Variants in MDGA2 observed in about 807,000 individuals in gnomAD.
MDGA2 encodes MAM domain containing glycosylphosphatidylinositol anchor 2.
Under a neutral mutation model 117.8 loss-of-function variants are expected in MDGA2, and 40 were observed. That is an observed-to-expected ratio of 0.34 (90% CI 0.26 to 0.44). The LOEUF is 0.44. Ranked by LOEUF, MDGA2 falls within the 20% of genes least tolerant of loss-of-function variation. The pLI, the probability that MDGA2 is intolerant of heterozygous loss-of-function variation, is 1.00. For missense variants in MDGA2, 1,123 were observed against 1,250.6 expected (o/e 0.90, Z 1.54); for synonymous variants, 452 against 439.0 (o/e 1.03, Z -0.37).
chr14:47,317,879 T>C (rs1309538742), intron 1 of MDGA2, among the ~76,000 whole-genome samples: 1 of 152,092 alleles, frequency 6.6e-6, no homozygotes, highest in Non-Finnish European at 1.5e-5. Context: ...ACAGTTTCTC[T>C]TGATGTCTTA....
chr14:47,454,176 T>C (rs34548916), intron 1 of MDGA2, among the ~76,000 whole-genome samples: 48,602 of 151,752 alleles, frequency 0.32, 8,225 homozygotes, highest in East Asian at 0.58. Flanking sequence ...ATCCAAGTGA[T>C]TGATTGACAC....
intron 2 of MDGA2, among the ~76,000 whole-genome samples, chr14:47,288,746 G>C (rs1490869496): frequency 6.6e-6 from 1 of 152,000 alleles, no homozygotes; most frequent in East Asian, 1.9e-4. Flanking sequence ...CAAAATAAAA[G>C]ATTAACAATT....
intron 3 of MDGA2, among the ~76,000 whole-genome samples, chr14:47,175,727 T>A (rs1279883856): frequency 2.7e-5 from 4 of 146,438 alleles, no homozygotes; most frequent in Admixed American, 6.9e-5. Context: ...GCATTTCCTT[T>A]GAAAACTGGC....
intron 5 of MDGA2, among the ~76,000 whole-genome samples, chr14:47,116,862 T>C (rs567385618): frequency 3.3e-5 from 5 of 151,526 alleles, no homozygotes; most frequent in East Asian, 1.9e-4. Context: ...AATGATTTCA[T>C]AGATATAACA....
In MDGA2 at chr14:47,545,747, G is replaced by GA. The variant is rs1015581019; in HGVS notation, c.280+128769dup. On this transcript the variant is annotated intron_variant, in intron 1 of 16. Coordinates refer to ENST00000399232, the MANE Select transcript of MDGA2 (RefSeq NM_001113498.3). The stretch of plus-strand genomic sequence containing the variant: ...ATCAAGTATTTAATAATGATAATAA[G>GA]AAAAAAAAACAGCAGCAGTCTCATG... Among the ~76,000 whole-genome samples, 19 of 150,560 alleles carry GA rather than the reference G, an allele frequency of 1.3e-4. No homozygotes were observed. The South Asian group carries it at 1.5e-3, about 12-fold the overall frequency.
intron 1 of MDGA2, among the ~76,000 whole-genome samples, chr14:47,535,785 C>CACTGG (rs1453272457): frequency 3.3e-5 from 5 of 152,124 alleles, no homozygotes; most frequent in Non-Finnish European, 7.4e-5. Flanking sequence ...TAATAAAAGC[C>CACTGG]ACTGAATCAA....
At chr14:46,878,565 C>A (rs1566504349) in intron 11 of MDGA2, among the ~76,000 whole-genome samples, 1 of 151,866 alleles carries the variant, frequency 6.6e-6, no homozygotes, top group African/African-American at 2.4e-5. Flanking sequence ...AACAGAGTAA[C>A]TTTTTCAATG....
chr14:47,455,372 G>T (rs1893327992), intron 1 of MDGA2, among the ~76,000 whole-genome samples: 1 of 152,004 alleles, frequency 6.6e-6, no homozygotes, highest in African/African-American at 2.4e-5. Context: ...TGGCTGTGGT[G>T]GCACACGACT....
chr14:47,309,162 C>A (rs1889554610), intron 1 of MDGA2, among the ~76,000 whole-genome samples: 1 of 152,008 alleles, frequency 6.6e-6, no homozygotes, highest in South Asian at 2.1e-4. Context: ...TTTATGTAAT[C>A]CCAAATAGAA....
intron 8 of MDGA2, among the ~76,000 whole-genome samples, chr14:47,033,052 T>C (rs1322636593): frequency 6.6e-6 from 1 of 152,214 alleles, no homozygotes; most frequent in Non-Finnish European, 1.5e-5. Flanking sequence ...CCTGTGTCTA[T>C]CGGTATTTTT....
intron 1 of MDGA2, among the ~76,000 whole-genome samples, chr14:47,637,312 G>A (rs1566552772): frequency 6.6e-6 from 1 of 152,078 alleles, no homozygotes; most frequent in Non-Finnish European, 1.5e-5. Context: ...TGGTTTTGTT[G>A]GTTGTTAAGA....
At chr14:46,856,033 TCAAA>T (rs1245565277) in intron 14 of MDGA2, among the ~76,000 whole-genome samples, 1 of 152,052 alleles carries the variant, frequency 6.6e-6, no homozygotes, top group African/African-American at 2.4e-5. Flanking sequence ...TAAATATATA[TCAAA>T]CACTTACTCC....
At chr14:47,333,040 G>C (rs1425746503) in intron 1 of MDGA2, among the ~76,000 whole-genome samples, 1 of 151,754 alleles carries the variant, frequency 6.6e-6, no homozygotes, top group African/African-American at 2.4e-5. Flanking sequence ...TCTTTATCCA[G>C]TCATCTGTTG....
intron 6 of MDGA2, among the ~76,000 whole-genome samples, chr14:47,086,466 T>C (rs1463374300): frequency 6.6e-6 from 1 of 152,126 alleles, no homozygotes; most frequent in Non-Finnish European, 1.5e-5. Flanking sequence ...AGGTTGCTAA[T>C]TCAATTAAAA....
At chr14:47,654,296 A>T (rs550108565) in intron 1 of MDGA2, among the ~76,000 whole-genome samples, 2 of 152,250 alleles carry the variant, frequency 1.3e-5, no homozygotes, top group South Asian at 4.1e-4. Context: ...AATCTCGATC[A>T]TCAGGTTCCT....
intron 1 of MDGA2, among the ~76,000 whole-genome samples, chr14:47,472,007 A>G: frequency 6.6e-6 from 1 of 152,202 alleles, no homozygotes; most frequent in South Asian, 2.1e-4. Context: ...GGAACAGGAA[A>G]TAAATAGAAA....
intron 3 of MDGA2, among the ~76,000 whole-genome samples, chr14:47,210,871 C>G (rs1885856060): frequency 6.6e-6 from 1 of 151,996 alleles, no homozygotes; most frequent in South Asian, 2.1e-4. Context: ...GTAGTCCTAG[C>G]TATTCAGGAG....
intron 2 of MDGA2, among the ~76,000 whole-genome samples, chr14:47,298,952 C>T (rs868365427): frequency 6.6e-6 from 1 of 152,076 alleles, no homozygotes; most frequent in African/African-American, 2.4e-5. Flanking sequence ...TCCTAAAGTG[C>T]TGGGATTACA....
At chr14:46,891,334 T>C (rs987969786) in intron 10 of MDGA2, among the ~76,000 whole-genome samples, 1 of 151,620 alleles carries the variant, frequency 6.6e-6, no homozygotes, top group Non-Finnish European at 1.5e-5. Context: ...ATGATAAAAA[T>C]GAAGAGAAAA....
Sources: allele counts gnomAD v4.1 joint callset (sites outside exome capture counted in the v4.1 genomes callset), GRCh38; gene constraint gnomAD v4.1.1; transcripts MANE v1.5; gene names NCBI Gene and HGNC (gene_info 2026-07-23, HGNC 2026-07-21).